WASF3: variants seen among roughly 807,000 people sequenced by gnomAD.
WASF3 encodes the protein actin-binding protein WASF3.
A neutral mutation model predicts 46.6 loss-of-function variants in WASF3; 11 were observed. That is an observed-to-expected ratio of 0.24 (90% CI 0.15 to 0.39). The LOEUF is 0.39. Ranked by LOEUF, WASF3 falls within the 10% of genes least tolerant of loss-of-function variation. The pLI is 1.00. For synonymous variants in WASF3, 242 were observed against 259.7 expected, an observed-to-expected ratio of 0.93 and a Z score of 0.65; for missense variants, 576 against 669.8, an observed-to-expected ratio of 0.86 and a Z score of 1.55.
intron 3 of WASF3, among the ~76,000 whole-genome samples, chr13:26,659,447 C>T (rs1882560788): frequency 6.6e-6 from 1 of 152,068 alleles, no homozygotes; most frequent in African/African-American, 2.4e-5. Context: ...TGGCCTTTAG[C>T]TTTTATTCTG....
intron 1 of WASF3, among the ~76,000 whole-genome samples, chr13:26,559,966 C>G (rs918450703): frequency 6.6e-6 from 1 of 151,268 alleles, no homozygotes; most frequent in East Asian, 1.9e-4. Flanking sequence ...TACAGGCGCC[C>G]GCCACCATGC....
At chr13:26,616,642 A>G (rs1397489614) in intron 2 of WASF3, among the ~76,000 whole-genome samples, 1 of 152,188 alleles carries the variant, frequency 6.6e-6, no homozygotes, top group Non-Finnish European at 1.5e-5. Context: ...CTCCCATAAA[A>G]GTAGTTACTC....
intron 1 of WASF3, among the ~76,000 whole-genome samples, chr13:26,569,359 G>A (rs1754488111): frequency 6.6e-6 from 1 of 152,110 alleles, no homozygotes; most frequent in Non-Finnish European, 1.5e-5. Flanking sequence ...GCAAGTTTGA[G>A]TATATTTTAG....
At chr13:26,594,066 C>T (rs867782394) in intron 1 of WASF3, among the ~76,000 whole-genome samples, 6 of 152,134 alleles carry the variant, frequency 3.9e-5, no homozygotes, top group African/African-American at 1.4e-4. Context: ...TAATTTAAGG[C>T]TCTTAACATA....
chr13:26,588,685 G>C (rs2137179950), intron 1 of WASF3, among the ~76,000 whole-genome samples: 1 of 152,270 alleles, frequency 6.6e-6, no homozygotes, highest in South Asian at 2.1e-4. Flanking sequence ...GTGTCAGAGA[G>C]TACCTGTGTC....
At chr13:26,581,705 T>A (rs1249083533) in intron 1 of WASF3, among the ~76,000 whole-genome samples, 3 of 152,228 alleles carry the variant, frequency 2.0e-5, no homozygotes, top group Non-Finnish European at 4.4e-5. Flanking sequence ...TCAGAGTCTC[T>A]TGGCTTTTTT....
the WASF3 span, among the ~76,000 whole-genome samples, chr13:26,541,804 A>G: frequency 2.0e-5 from 3 of 152,084 alleles, no homozygotes; most frequent in Non-Finnish European, 4.4e-5. Context: ...CATTCTTTCA[A>G]TTCCACCTCA....
chr13:26,576,835 G>A (rs1011667394), intron 1 of WASF3: 70 of 496,336 alleles, frequency 1.4e-4, no homozygotes, highest in African/African-American at 1.1e-3. Context: ...AACATCCTAC[G>A]TAACTATAGT....
At position 26,645,937 on chromosome 13, in the gene WASF3, TC is replaced by T. The variant is rs140360089; in HGVS notation, c.133+3536del. ...ATCTGAAAACCAGCCTTTTGAAAGA[TC>T]CATGTAAGAACTGAAGTTACAGGAC... On this transcript the variant is annotated intron_variant, in intron 3 of 9. Transcript: ENST00000335327. 6.9e-3 allele frequency among the ~76,000 whole-genome samples: 1,057 copies of T among 152,304 alleles called. 9 individuals carry two copies. The highest frequency in any genetic ancestry group is 0.024 in the African/African-American group (979 of 41,564).
intron 2 of WASF3, among the ~76,000 whole-genome samples, chr13:26,626,789 T>C (rs561457764): frequency 3.3e-5 from 5 of 152,314 alleles, no homozygotes; most frequent in East Asian, 1.9e-4. Context: ...ATAATGATAA[T>C]GGGATCATTT....
At chr13:26,659,051 A>G (rs1396083157) in intron 3 of WASF3, among the ~76,000 whole-genome samples, 1 of 152,240 alleles carries the variant, frequency 6.6e-6, no homozygotes, top group Non-Finnish European at 1.5e-5. Flanking sequence ...ATGAATACAT[A>G]CAAGTGCATA....
chr13:26,677,758 G>C (rs998083289), intron 7 of WASF3, among the ~76,000 whole-genome samples: 1 of 152,166 alleles, frequency 6.6e-6, no homozygotes, highest in African/African-American at 2.4e-5. Flanking sequence ...TATTTCTATA[G>C]AAAGTAGGAA....
At chr13:26,577,914 C>T (rs1879850433) in intron 1 of WASF3, among the ~76,000 whole-genome samples, 1 of 152,162 alleles carries the variant, frequency 6.6e-6, no homozygotes, top group African/African-American at 2.4e-5. Context: ...TAGGTTTCCT[C>T]TTTGTAGTCA....
chr13:26,659,723 A>G (rs1252317435), intron 3 of WASF3, among the ~76,000 whole-genome samples: 1 of 152,126 alleles, frequency 6.6e-6, no homozygotes, highest in East Asian at 1.9e-4. Context: ...ATGGATGTGT[A>G]TGACAGTTTG....
rs139779405 is a variant in WASF3 at position 26,676,668 on chromosome 13, G to C, written c.660G>C (p.Leu220Phe). The C allele has an allele frequency of 1.6e-5, 26 of 1,614,072 alleles. No homozygotes were observed. The highest frequency in any genetic ancestry group is 2.1e-5 in the Non-Finnish European group (25 of 1,180,052). Residue 220 changes from leucine (L) to phenylalanine (F), a missense_variant, in exon 7 of 10, where the codon TTG becomes TTC. By Grantham distance (22) the Leu-to-Phe change is conservative. Coordinates refer to ENST00000335327, the MANE Select transcript of WASF3 (RefSeq NM_006646.6). ...AAGAGCTTAGACCCGACAACAGGTT[G>C]TCTCAGAGTGTGTACCATGGAGCGT... is the stretch of plus-strand genomic sequence containing the variant. ...YDKELRPDNR[L>F]SQSVYHGASS... is the part of the protein sequence containing the mutation.
intron 2 of WASF3, among the ~76,000 whole-genome samples, chr13:26,637,886 T>C (rs1881877211): frequency 6.6e-6 from 1 of 152,208 alleles, no homozygotes; most frequent in East Asian, 1.9e-4. Flanking sequence ...CTCAGGGCAC[T>C]TGGGTTTGTC....
intron 2 of WASF3, among the ~76,000 whole-genome samples, chr13:26,621,643 T>C (rs1235167440): frequency 6.6e-6 from 1 of 152,208 alleles, no homozygotes; most frequent in Non-Finnish European, 1.5e-5. Flanking sequence ...GAGCAAAGTG[T>C]GAACATTTGT....
rs1675905083 is a variant in WASF3 at position 26,577,173 on chromosome 13, C to T, written c.-109+19354C>T. 5 of 756,056 alleles carry T rather than the reference C, an allele frequency of 6.6e-6. No individual in the cohort carries two copies. In the East Asian group the frequency reaches 1.2e-4, roughly 18 times the overall value. The allele number at this position is 756,056 out of a possible 1,614,324, so 46.8% of individuals were successfully genotyped here. A position where few individuals can be genotyped will look rare whatever the true frequency, so the allele number is the denominator to read the frequency against. On this transcript the variant is annotated intron_variant, in intron 1 of 9. Coordinates refer to ENST00000335327, the MANE Select transcript of WASF3 (RefSeq NM_006646.6). ...CTGAAGATGTTCAGGGCAAAAACTTCCTAACTTCCTTGGCATGGATCTTAC... is the reference window on the plus strand; with the variant it reads ...CTGAAGATGTTCAGGGCAAAAACTTTCTAACTTCCTTGGCATGGATCTTAC...
chr13:26,667,677 C>T lies in WASF3; in HGVS notation c.422+7C>T. The stretch of plus-strand genomic sequence containing the variant: ...ACATCCTGACACCATACAGGTATAG[C>T]TTCATGAGTCCCAGAGCCTCTCCTT... On this transcript the variant is annotated splice_region_variant and intron_variant, in intron 5 of 9. Coordinates refer to ENST00000335327, the MANE Select transcript of WASF3 (RefSeq NM_006646.6). 6.2e-7 allele frequency: 1 copy of T among 1,612,552 alleles called. No individual in the cohort carries two copies. Among genetic ancestry groups the T allele is most frequent in the Non-Finnish European group, 8.5e-7 (1 of 1,179,430 alleles).
Sources: allele counts gnomAD v4.1 joint callset (sites outside exome capture counted in the v4.1 genomes callset), GRCh38; gene constraint gnomAD v4.1.1; transcripts MANE v1.5; gene names NCBI Gene and HGNC (gene_info 2026-07-23, HGNC 2026-07-21).